The following RTL4 variants were observed in gnomAD, a reference collection of about 807,000 sequenced individuals.
RTL4 encodes the protein retrotransposon Gag-like protein 4.
Under a neutral mutation model 5.3 loss-of-function variants are expected in RTL4, and 4 were observed. The observed-to-expected ratio is 0.75, with a 90% CI of 0.37 to 1.72. The LOEUF is 1.72. Ranked by LOEUF, RTL4 falls within the 40% of genes most tolerant of loss-of-function variation. RTL4 has a pLI of 0.04. For missense variants in RTL4, 260 were observed against 227.1 expected (o/e 1.14, Z -0.93); for synonymous variants, 98 against 87.3 (o/e 1.12, Z -0.68).
the RTL4 span, among the ~76,000 whole-genome samples, chrX:112,151,623 T>C: frequency 8.9e-6 from 1 of 112,090 alleles, no homozygotes; most frequent in Non-Finnish European, 1.9e-5. Context: ...CATTCATTAG[T>C]CTCTCAGAAG....
chrX:112,235,040 C>G, the RTL4 span, among the ~76,000 whole-genome samples: 1 of 111,158 alleles, frequency 9.0e-6, no homozygotes, highest in Non-Finnish European at 1.9e-5. Flanking sequence ...TTTTCGGGAT[C>G]CAGGTGGCTT....
chrX:112,393,147 CTTTTTTTTTTTTTG>C, the RTL4 span, among the ~76,000 whole-genome samples: 41 of 81,490 alleles, frequency 5.0e-4, no homozygotes, highest in Admixed American at 2.4e-3. Flanking sequence ...TTCTTTCTTT[CTTTTTTTTTTTTTG>C]TTTTTTTTTT....
the RTL4 span, among the ~76,000 whole-genome samples, chrX:112,329,983 T>G: frequency 1.9e-5 from 2 of 106,490 alleles, no homozygotes; most frequent in South Asian, 4.3e-4. Context: ...AAACTCTCAA[T>G]AAATTAGGTA....
chrX:112,168,963 CT>C, the RTL4 span, among the ~76,000 whole-genome samples: 1 of 58,555 alleles, frequency 1.7e-5, no homozygotes, highest in African/African-American at 5.8e-5. Flanking sequence ...TTCTTTCTTT[CT>C]TTTTCTTTCT....
At chrX:112,399,324 C>T in the RTL4 span, among the ~76,000 whole-genome samples, 1 of 111,381 alleles carries the variant, frequency 9.0e-6, no homozygotes, top group African/African-American at 3.3e-5. Context: ...TTATAGGTTT[C>T]AGCTCTGGCC....
the RTL4 span, among the ~76,000 whole-genome samples, chrX:112,278,740 A>T: frequency 3.0e-3 from 330 of 111,276 alleles, no homozygotes; most frequent in African/African-American, 0.01. Flanking sequence ...AAAGCTTCTA[A>T]CTTGAAAGAC....
At chrX:112,271,196 A>G in the RTL4 span, among the ~76,000 whole-genome samples, 1 of 113,067 alleles carries the variant, frequency 8.8e-6, no homozygotes, top group African/African-American at 3.2e-5. Context: ...TTTCAGAGAC[A>G]AATGGATAGA....
chrX:112,212,453 C>A, the RTL4 span, among the ~76,000 whole-genome samples: 231 of 112,765 alleles, frequency 2.0e-3, no homozygotes, highest in Middle Eastern at 4.6e-3. Context: ...TTAGTAAAAT[C>A]ATTGCTACTG....
At chrX:112,451,538 C>G (rs1355178049), upstream of RTL4, among the ~76,000 whole-genome samples, 1 of 111,660 alleles carries the variant, frequency 9.0e-6, no homozygotes, top group African/African-American at 3.3e-5. Context: ...GTGTATGAAG[C>G]CATGCTAATC....
the RTL4 span, among the ~76,000 whole-genome samples, chrX:112,312,615 A>T: frequency 9.0e-6 from 1 of 111,504 alleles, no homozygotes; most frequent in Non-Finnish European, 1.9e-5. Context: ...ACAGTGTTAC[A>T]ATTAGAGGAA....
At chrX:112,323,681 T>C in the RTL4 span, among the ~76,000 whole-genome samples, 3 of 110,014 alleles carry the variant, frequency 2.7e-5, no homozygotes, top group African/African-American at 9.9e-5. Flanking sequence ...TTTGTAGAAA[T>C]GGTTTGCCAT....
chrX:112,390,539 C>T, the RTL4 span, among the ~76,000 whole-genome samples: 1 of 110,446 alleles, frequency 9.1e-6, no homozygotes, highest in African/African-American at 3.3e-5. Context: ...AATCTTATTT[C>T]TCCTTCATTT....
the RTL4 span, among the ~76,000 whole-genome samples, chrX:112,434,904 C>T: frequency 1.8e-5 from 2 of 111,334 alleles, no homozygotes; most frequent in African/African-American, 6.5e-5. Context: ...AATTGACTCA[C>T]AGTTCTGCAT....
chrX:112,127,374 C>G, the RTL4 span, among the ~76,000 whole-genome samples: 7 of 110,755 alleles, frequency 6.3e-5, no homozygotes, highest in Admixed American at 5.8e-4. Flanking sequence ...ATTCAACAAC[C>G]ATTCATGATT....
chrX:112,160,122 A>G, the RTL4 span, among the ~76,000 whole-genome samples: 1 of 112,308 alleles, frequency 8.9e-6, no homozygotes, highest in Non-Finnish European at 1.9e-5. Flanking sequence ...TACAGGGATT[A>G]GTGTTGCGGC....
chrX:112,456,082 A>AT (rs1926839010), exon 1 of RTL4: 1 of 282,978 alleles, frequency 3.5e-6, no homozygotes, highest in Admixed American at 6.4e-5. Flanking sequence ...CTTCACCTTT[A>AT]TTGGTCTGTA....
the RTL4 span, among the ~76,000 whole-genome samples, chrX:112,159,055 A>C: frequency 1.1e-3 from 120 of 112,288 alleles, no homozygotes; most frequent in African/African-American, 3.6e-3. Flanking sequence ...TTTAATTTGC[A>C]TTCATTGATT....
the RTL4 span, among the ~76,000 whole-genome samples, chrX:112,331,764 T>C: frequency 2.1e-5 from 2 of 93,358 alleles, no homozygotes; most frequent in Admixed American, 1.2e-4. Context: ...AACCCAAATG[T>C]CCAACAATGA....
chrX:112,186,513 A>G, the RTL4 span, among the ~76,000 whole-genome samples: 1,881 of 112,201 alleles, frequency 0.017, 44 homozygotes, highest in African/African-American at 0.057. Flanking sequence ...GGTGGAGCTT[A>G]TGAAATATTG....
Sources: gnomAD v4.1 joint callset for allele counts (sites outside exome capture counted in the v4.1 genomes callset) on GRCh38, gnomAD v4.1.1 for gene constraint, MANE v1.5 for transcripts, NCBI Gene and HGNC (gene_info 2026-07-23, HGNC 2026-07-21) for gene names.